Variants in ERP44 observed in about 807,000 individuals in gnomAD.
The protein encoded by ERP44 is endoplasmic reticulum protein 44.
A neutral mutation model predicts 53.4 loss-of-function variants in ERP44; 25 were observed. That is an observed-to-expected ratio of 0.47 (90% CI 0.34 to 0.65). The LOEUF (loss-of-function observed/expected upper bound fraction) is 0.65, where lower values mean the gene tolerates loss of function less well. Among genes scored for constraint, ERP44 ranks in the 30% least tolerant of loss-of-function variants. The pLI is 0.01. For missense variants in ERP44, 338 were observed against 493.2 expected (o/e 0.69, Z 2.98); for synonymous variants, 145 against 161.2 (o/e 0.90, Z 0.76).
chr9:100,013,112 G>T (rs1830492798), intron 8 of ERP44, among the ~76,000 whole-genome samples: 2 of 152,178 alleles, frequency 1.3e-5, no homozygotes, highest in Non-Finnish European at 2.9e-5. Context: ...GAGATAGTAA[G>T]ATCTAAGAGC....
At chr9:100,023,400 T>TAA (rs1477870459) in intron 4 of ERP44, among the ~76,000 whole-genome samples, 14 of 121,172 alleles carry the variant, frequency 1.2e-4, no homozygotes, top group African/African-American at 3.6e-4. Flanking sequence ...TGAGAAATCA[T>TAA]AAAAAAAAAA....
At chr9:99,989,733 G>A (rs1217368290) in intron 10 of ERP44, among the ~76,000 whole-genome samples, 3 of 152,144 alleles carry the variant, frequency 2.0e-5, no homozygotes, top group Non-Finnish European at 4.4e-5. Context: ...ACTTCTCCAA[G>A]TTAAAGGAGG....
intron 10 of ERP44, among the ~76,000 whole-genome samples, chr9:99,995,158 T>A (rs984357692): frequency 6.6e-6 from 1 of 152,220 alleles, no homozygotes; most frequent in Non-Finnish European, 1.5e-5. Flanking sequence ...AATTGTTCAT[T>A]GTCTTTGTAT....
chr9:100,035,662 C>T (rs901403187), intron 4 of ERP44, among the ~76,000 whole-genome samples: 7 of 151,428 alleles, frequency 4.6e-5, no homozygotes, highest in Middle Eastern at 3.4e-3. Context: ...GCAACAAGAC[C>T]GAAACTCTGT....
chr9:100,002,986 T>G (rs1830393749), intron 10 of ERP44, among the ~76,000 whole-genome samples: 1 of 152,168 alleles, frequency 6.6e-6, no homozygotes, highest in Non-Finnish European at 1.5e-5. Context: ...TTCCATAAAC[T>G]TTCTTCATTC....
intron 1 of ERP44, among the ~76,000 whole-genome samples, chr9:100,085,935 A>C (rs915355600): frequency 6.6e-6 from 1 of 152,088 alleles, no homozygotes; most frequent in Admixed American, 6.5e-5. Context: ...ACTTAAACGG[A>C]ATTTTTATTT....
chr9:100,093,642 G>GGGGGC (rs1564108104), intron 1 of ERP44, among the ~76,000 whole-genome samples: 4 of 141,780 alleles, frequency 2.8e-5, no homozygotes, highest in African/African-American at 1.1e-4. Context: ...GACCCTGTCT[G>GGGGGC]TGGGGGGGGA....
At chr9:100,024,399 G>A (rs1830629915) in intron 4 of ERP44, among the ~76,000 whole-genome samples, 1 of 149,584 alleles carries the variant, frequency 6.7e-6, no homozygotes, top group Non-Finnish European at 1.5e-5. Flanking sequence ...GTAAGAAATA[G>A]GGAGAAGAAA....
intron 1 of ERP44, among the ~76,000 whole-genome samples, chr9:100,060,471 A>G (rs924359754): frequency 6.6e-6 from 1 of 152,236 alleles, no homozygotes; most frequent in Non-Finnish European, 1.5e-5. Context: ...AACACTTTCA[A>G]GAACTTTATA....
At chr9:100,041,491 A>T (rs982328068) in intron 4 of ERP44, among the ~76,000 whole-genome samples, 1 of 152,094 alleles carries the variant, frequency 6.6e-6, no homozygotes, top group Non-Finnish European at 1.5e-5. Context: ...AACATGGTGA[A>T]ACCCCATCTC....
chr9:100,017,971 T>C (rs1332235141), intron 7 of ERP44, among the ~76,000 whole-genome samples: 1 of 152,030 alleles, frequency 6.6e-6, no homozygotes, highest in Non-Finnish European at 1.5e-5. Context: ...GCCAGAGAGA[T>C]AGAAAAGGCC....
intron 1 of ERP44, among the ~76,000 whole-genome samples, chr9:100,068,939 T>A (rs1005133683): frequency 5.3e-5 from 8 of 152,238 alleles, no homozygotes; most frequent in Non-Finnish European, 1.2e-4. Flanking sequence ...CATTTTGTTC[T>A]GTACTAAGAA....
chr9:99,985,264 T>C (rs1830184267), intron 10 of ERP44, among the ~76,000 whole-genome samples, 195 bp from the exon 11 acceptor site: 2 of 152,234 alleles, frequency 1.3e-5, no homozygotes, highest in African/African-American at 4.8e-5. Context: ...TGTATTCTAA[T>C]TCCTGTACTT....
intron 3 of ERP44, 124 bp downstream of exon 3, chr9:100,057,696 A>G (rs1826099710): frequency 1.4e-6 from 1 of 711,178 alleles, no homozygotes. Flanking sequence ...ATGAAACTTA[A>G]TTGACTTTAT....
At chr9:100,023,356 C>T (rs899169338) in intron 4 of ERP44, among the ~76,000 whole-genome samples, 2 of 148,966 alleles carry the variant, frequency 1.3e-5, no homozygotes, top group African/African-American at 2.5e-5. Flanking sequence ...GCCACAAAGA[C>T]TTGAGCTTAT....
At chr9:100,029,928 A>C (rs1825763865) in intron 4 of ERP44, among the ~76,000 whole-genome samples, 1 of 152,138 alleles carries the variant, frequency 6.6e-6, no homozygotes, top group Admixed American at 6.5e-5. Context: ...TCTCTACTAA[A>C]AATACAAAAA....
intron 10 of ERP44, among the ~76,000 whole-genome samples, chr9:99,985,337 C>T (rs768875926): frequency 8.5e-5 from 13 of 152,106 alleles, no homozygotes; most frequent in Admixed American, 6.5e-5. Context: ...AGATGCTGTA[C>T]CCCAAATTAA....
intron 10 of ERP44, among the ~76,000 whole-genome samples, chr9:99,996,878 A>G (rs1252589083): frequency 1.2e-5 from 1 of 81,320 alleles, no homozygotes; most frequent in African/African-American, 5.6e-5. Context: ...ATGGCTGAGC[A>G]GTATTCCATC....
chr9:100,000,435 CAAA>C (rs34304276), intron 10 of ERP44, among the ~76,000 whole-genome samples: 47 of 123,950 alleles, frequency 3.8e-4, no homozygotes, highest in African/African-American at 7.0e-4. Flanking sequence ...GATCCTGTAT[CAAA>C]AAAAAAAAAA....
Sources: allele counts gnomAD v4.1 joint callset (sites outside exome capture counted in the v4.1 genomes callset), GRCh38; gene constraint gnomAD v4.1.1; transcripts MANE v1.5; gene names NCBI Gene and HGNC (gene_info 2026-07-23, HGNC 2026-07-21).